FHIT: variants seen among roughly 807,000 people sequenced by gnomAD.
The protein encoded by FHIT is bis(5'-adenosyl)-triphosphatase.
A neutral mutation model predicts 17.9 loss-of-function variants in FHIT; 19 were observed. That is an observed-to-expected ratio of 1.06 (90% confidence interval 0.74 to 1.56). The LOEUF (loss-of-function observed/expected upper bound fraction) is 1.56. Among genes scored for constraint, FHIT ranks in the 40% most tolerant of loss-of-function variants. The pLI is 0.00. For missense variants in FHIT, 248 were observed against 189.2 expected (o/e 1.31, Z -1.82); for synonymous variants, 81 against 69.7 (o/e 1.16, Z -0.81).
chr3:60,078,477 T>C (rs1486992150), intron 5 of FHIT, among the ~76,000 whole-genome samples: 3 of 152,014 alleles, frequency 2.0e-5, no homozygotes, highest in Admixed American at 1.3e-4. Flanking sequence ...AATGTCAAGG[T>C]CATGAAAGAC....
At chr3:59,863,498 C>G (rs964770347) in intron 8 of FHIT, among the ~76,000 whole-genome samples, 3 of 152,190 alleles carry the variant, frequency 2.0e-5, no homozygotes, top group Admixed American at 6.5e-5. Flanking sequence ...GCATCCATCA[C>G]ATCTGTAATT....
intron 2 of FHIT, among the ~76,000 whole-genome samples, chr3:61,095,810 G>A (rs1177928771): frequency 6.6e-6 from 1 of 152,178 alleles, no homozygotes; most frequent in Non-Finnish European, 1.5e-5. Flanking sequence ...AGAGAGCCTG[G>A]CCTGAATACC....
At chr3:60,436,708 T>C (rs750082855) in intron 5 of FHIT, among the ~76,000 whole-genome samples, 4 of 152,162 alleles carry the variant, frequency 2.6e-5, no homozygotes, top group Non-Finnish European at 5.9e-5. Context: ...TCATGGAGTC[T>C]ATATTCTAAG....
chr3:61,061,836 C>G (rs986959324), intron 2 of FHIT, among the ~76,000 whole-genome samples: 1 of 152,162 alleles, frequency 6.6e-6, no homozygotes, highest in Non-Finnish European at 1.5e-5. Flanking sequence ...GCCTCCTCTT[C>G]TTTTTCCCAT....
chr3:60,060,340 G>C (rs1702249312), intron 5 of FHIT, among the ~76,000 whole-genome samples: 1 of 152,076 alleles, frequency 6.6e-6, no homozygotes, highest in African/African-American at 2.4e-5. Context: ...ATCAATACTG[G>C]GGGACTAACT....
chr3:59,925,035 C>G (rs1376054508), intron 7 of FHIT, among the ~76,000 whole-genome samples: 1 of 151,266 alleles, frequency 6.6e-6, no homozygotes, highest in Non-Finnish European at 1.5e-5. Flanking sequence ...TTTTTTCCTT[C>G]TTTCCTTCTA....
intron 5 of FHIT, among the ~76,000 whole-genome samples, chr3:60,365,362 C>T (rs1018630650): frequency 1.3e-5 from 2 of 151,800 alleles, no homozygotes; most frequent in Non-Finnish European, 2.9e-5. Context: ...ATGCTTAAAC[C>T]TTTGAAAAAG....
chr3:61,211,506 A>T (rs926397510), intron 1 of FHIT, among the ~76,000 whole-genome samples: 6 of 152,204 alleles, frequency 3.9e-5, no homozygotes, highest in African/African-American at 1.4e-4. Flanking sequence ...GCCAGGAAGC[A>T]TGAACTGGGT....
intron 5 of FHIT, among the ~76,000 whole-genome samples, chr3:60,226,497 C>A (rs535655154): frequency 1.3e-4 from 13 of 99,558 alleles, no homozygotes; most frequent in Non-Finnish European, 2.7e-4. Context: ...AAAAAAAACA[C>A]TGCCTGCCTG....
chr3:60,738,112 G>A (rs1205627407), intron 4 of FHIT, among the ~76,000 whole-genome samples: 8 of 152,128 alleles, frequency 5.3e-5, no homozygotes, highest in Non-Finnish European at 7.3e-5. Context: ...GAATCCGACC[G>A]GGAGAGGAAA....
Position 61,039,029 on chromosome 3 carries a change from A to G in FHIT, c.-111+3018T>C, listed in dbSNP as rs6768016. ...TTGCACTATTCACTCTACTTGGTGC[A>G]TATTTGGAAAACTTCCATAATAATT... is the stretch of plus-strand genomic sequence containing the variant. On this transcript the variant is annotated intron_variant, in intron 3 of 9. Transcript: ENST00000492590. Among the ~76,000 whole-genome samples, 424 of 152,310 alleles carry G rather than the reference A, an allele frequency of 2.8e-3. 4 individuals carry two copies. Among genetic ancestry groups the G allele is most frequent in the African/African-American group, 9.4e-3 (392 of 41,576 alleles).
intron 3 of FHIT, among the ~76,000 whole-genome samples, chr3:61,012,805 T>A (rs1051351200): frequency 1.3e-5 from 2 of 151,782 alleles, no homozygotes; most frequent in Admixed American, 1.3e-4. Flanking sequence ...TAGAGGATTA[T>A]AAATTCAAAA....
In FHIT at chr3:59,912,459, A is replaced by T. The variant is rs547219591; in HGVS notation, c.348+9887T>A. ...CCAGAGAAGCCAGCTGAAATTTCAT[A>T]TATAGATTTGACCTAAATGTGCAAT... is the stretch of plus-strand genomic sequence containing the variant. On this transcript the variant is annotated intron_variant, in intron 8 of 9. Coordinates refer to ENST00000492590, the MANE Select transcript of FHIT (RefSeq NM_002012.4). Among the ~76,000 whole-genome samples, 8 of 152,358 alleles carry T rather than the reference A, an allele frequency of 5.3e-5. No homozygotes were observed. The South Asian group carries it at 1.7e-3, about 32-fold the overall frequency.
intron 3 of FHIT, among the ~76,000 whole-genome samples, chr3:60,867,785 G>A (rs909254888): frequency 6.6e-6 from 1 of 152,176 alleles, no homozygotes; most frequent in Admixed American, 6.5e-5. Flanking sequence ...CTCAGCCTGG[G>A]TCTATCTGAA....
At chr3:59,882,637 A>AGAGTTTCAAATAACTTCATATTGGT (rs1213023238) in intron 8 of FHIT, among the ~76,000 whole-genome samples, 11 of 152,236 alleles carry the variant, frequency 7.2e-5, no homozygotes, top group Non-Finnish European at 1.3e-4. Context: ...AGAGGGGTTA[A>AGAGTTTCAAATAACTTCATATTGGT]GAGTTTCAAA....
intron 4 of FHIT, among the ~76,000 whole-genome samples, chr3:60,538,278 C>A (rs547093232): frequency 5.9e-5 from 9 of 151,940 alleles, no homozygotes; most frequent in Non-Finnish European, 8.8e-5. Context: ...CACTGCTCAA[C>A]GAAATAAAAG....
intron 4 of FHIT, among the ~76,000 whole-genome samples, chr3:60,555,405 G>A (rs2036708666): frequency 6.6e-6 from 1 of 152,148 alleles, no homozygotes; most frequent in Non-Finnish European, 1.5e-5. Flanking sequence ...AATAAAAGAC[G>A]AATTTAAATG....
chr3:60,040,398 C>A (rs1295562392), intron 5 of FHIT, among the ~76,000 whole-genome samples: 1 of 152,166 alleles, frequency 6.6e-6, no homozygotes, highest in Non-Finnish European at 1.5e-5. Flanking sequence ...CCCACCTCGG[C>A]CTCCCAAAGT....
chr3:59,785,674 G>T (rs1399313748), intron 8 of FHIT, among the ~76,000 whole-genome samples: 1 of 152,158 alleles, frequency 6.6e-6, no homozygotes, highest in Non-Finnish European at 1.5e-5. Flanking sequence ...TTTACTTGAA[G>T]AAACATAAAT....
Sources: gnomAD v4.1 joint callset for allele counts (sites outside exome capture counted in the v4.1 genomes callset) on GRCh38, gnomAD v4.1.1 for gene constraint, MANE v1.5 for transcripts, NCBI Gene and HGNC (gene_info 2026-07-23, HGNC 2026-07-21) for gene names.